Variants in PKD1L1 observed in about 807,000 individuals in gnomAD.
The protein encoded by PKD1L1 is polycystin-1-like protein 1.
Under a neutral mutation model 323.4 loss-of-function variants are expected in PKD1L1, and 236 were observed. The ratio of observed to expected loss-of-function variants is 0.73; its 90% CI spans 0.66 to 0.81. The LOEUF is 0.81. PKD1L1 is among the 40% of genes least tolerant of loss of function. PKD1L1 has a pLI of 0.00. For missense variants in PKD1L1, 3,320 were observed against 3,508.0 expected (o/e 0.95, Z 1.35); for synonymous variants, 1,344 against 1,335.0 (o/e 1.01, Z -0.15).
chr7:47,887,861 A>G (rs1453563616), intron 17 of PKD1L1, 129 bp downstream of exon 17: 2 of 907,772 alleles, frequency 2.2e-6, no homozygotes, highest in African/African-American at 1.7e-5. Context: ...GGGAAGCACG[A>G]CGGACCGTTC....
intron 44 of PKD1L1, among the ~76,000 whole-genome samples, chr7:47,828,375 A>AG (rs1284704388): frequency 6.6e-6 from 1 of 151,874 alleles, no homozygotes; most frequent in African/African-American, 2.4e-5. Flanking sequence ...GAGAAGAGGA[A>AG]GGAGAGCCTT....
Position 47,800,586 on chromosome 7 carries a change from AC to A in PKD1L1, c.8193+62del. On this transcript the variant is annotated intron_variant, in intron 54 of 56. Transcript: ENST00000289672. ...CCCTGTCCACATGGACCAGAGTTTC[AC>A]CCCAACAGCAAATGAAACTTTTACA... The A allele has an allele frequency of 2.0e-6, 3 of 1,531,410 alleles. No homozygotes were observed. In the Admixed American group the frequency reaches 5.2e-5, roughly 27 times the overall value. 94.9% of individuals were successfully genotyped at this position (1,531,410 alleles called of 1,614,324 possible). A position where few individuals can be genotyped will look rare whatever the true frequency, so the allele number is the denominator to read the frequency against.
Position 47,840,641 on chromosome 7 carries a change from C to T in PKD1L1, c.5446-74G>A. ...ACCATGCAATGCTGGGCAGGGCTTC[C>T]TCGCACTTTCTCCCAGCGTCCCACC... On this transcript the variant is annotated intron_variant, in intron 34 of 56. Transcript: ENST00000289672. The surrounding 1 kb of genome is among the most constrained non-coding windows in gnomAD (Gnocchi z 4.1). The T allele has an allele frequency of 1.7e-6, 2 of 1,148,648 alleles. No individual in the cohort carries two copies. The highest frequency in any genetic ancestry group is 2.6e-6 in the Non-Finnish European group (2 of 773,304). 71.2% of individuals were successfully genotyped at this position (1,148,648 alleles called of 1,614,324 possible).
chr7:47,827,497 C>A (rs143684319), intron 44 of PKD1L1, 29 bp from the exon 45 acceptor site: 1 of 1,573,854 alleles, frequency 6.4e-7, no homozygotes, highest in African/African-American at 1.3e-5. Flanking sequence ...CTGTGAGCTG[C>A]GGGCTGGTGG....
At chr7:47,948,655 C>T (rs947274803), upstream of PKD1L1, among the ~76,000 whole-genome samples, 1 of 152,170 alleles carries the variant, frequency 6.6e-6, no homozygotes, top group Non-Finnish European at 1.5e-5. Flanking sequence ...CAGACAAATT[C>T]CTTCCTAAGA....
chr7:47,940,158 G>A (rs1787954115), intron 3 of PKD1L1, 35 bp downstream of exon 3: 1 of 1,613,864 alleles, frequency 6.2e-7, no homozygotes, highest in Non-Finnish European at 8.5e-7. Flanking sequence ...CTGTATTCAG[G>A]AAGAAAAGCC....
Position 47,809,545 on chromosome 7 carries a change from G to C in PKD1L1, c.7614C>G (p.Leu2538=), listed in dbSNP as rs981440834. The C allele has an allele frequency of 1.2e-6, 2 of 1,607,648 alleles. No individual in the cohort carries two copies. The highest frequency in any genetic ancestry group is 8.5e-7 in the Non-Finnish European group (1 of 1,177,602). ...CCATCATACGGTAGAGTTGAACACA[G>C]AGGTGGATCAGGCTGAGTGCCAGGA... The part of the protein sequence containing the change: ...LVFLALSLIH[L]CVQLYRMMDK... Residue 2538 remains leucine (L), a synonymous_variant, in exon 51 of 57, where the codon CTC becomes CTG. Transcript: ENST00000289672.
chr7:47,850,632 CAAAAAAAAA>C (rs58437908), intron 31 of PKD1L1, among the ~76,000 whole-genome samples: 1 of 75,814 alleles, frequency 1.3e-5, no homozygotes, highest in Non-Finnish European at 2.4e-5. Context: ...GACTCTGTCT[CAAAAAAAAA>C]AAAAAAAAAA....
At chr7:47,948,557 T>A, upstream of PKD1L1, 1 of 955,646 alleles carries the variant, frequency 1.0e-6, no homozygotes, top group Non-Finnish European at 1.6e-6. Flanking sequence ...TGACCTCTTA[T>A]CAGGACACAC....
chr7:47,903,338 C>T (rs530387340), intron 12 of PKD1L1, among the ~76,000 whole-genome samples: 1 of 152,228 alleles, frequency 6.6e-6, no homozygotes, highest in East Asian at 1.9e-4. Flanking sequence ...GCCCAGGGCA[C>T]ACTCTAGAGA....
chr7:47,899,209 C>G (rs1298365573), intron 13 of PKD1L1, among the ~76,000 whole-genome samples: 1 of 152,138 alleles, frequency 6.6e-6, no homozygotes, highest in Non-Finnish European at 1.5e-5. Context: ...CCATCAGGGG[C>G]CTGGGGCACT....
intron 45 of PKD1L1, among the ~76,000 whole-genome samples, chr7:47,823,167 C>T (rs1464775540): frequency 6.6e-6 from 1 of 152,162 alleles, no homozygotes; most frequent in Admixed American, 6.5e-5. Flanking sequence ...TTCGATATCT[C>T]TCTATTAAGT....
chr7:47,875,142 G>A (rs1583638704), intron 23 of PKD1L1, among the ~76,000 whole-genome samples: 1 of 152,148 alleles, frequency 6.6e-6, no homozygotes, highest in Non-Finnish European at 1.5e-5. Flanking sequence ...AAGATCAAAC[G>A]GAGTACAAAG....
upstream of PKD1L1, among the ~76,000 whole-genome samples, chr7:47,952,520 C>T (rs184203370): frequency 9.1e-4 from 138 of 152,294 alleles, 1 homozygote; most frequent in East Asian, 7.4e-3. Flanking sequence ...CATAAGCACC[C>T]CCTGAGAAAG....
At chr7:47,937,035 T>A in intron 3 of PKD1L1, 77 bp from the exon 4 acceptor site, 1 of 1,173,454 alleles carries the variant, frequency 8.5e-7, no homozygotes, top group Non-Finnish European at 1.3e-6. Context: ...TAATATTACT[T>A]CATTAACAAA....
intron 34 of PKD1L1, among the ~76,000 whole-genome samples, chr7:47,841,769 T>C (rs1443573674): frequency 1.3e-5 from 2 of 152,226 alleles, no homozygotes; most frequent in African/African-American, 4.8e-5. Context: ...AATTCACTTC[T>C]AGGCACCCCA....
chr7:47,825,342 C>T (rs1395985160), intron 45 of PKD1L1, among the ~76,000 whole-genome samples: 2 of 151,896 alleles, frequency 1.3e-5, no homozygotes, highest in Admixed American at 1.3e-4. Flanking sequence ...CCAGCCTGAC[C>T]TACATGGTGA....
At chr7:47,960,168 GCA>G in the PKD1L1 span, among the ~76,000 whole-genome samples, 1 of 149,744 alleles carries the variant, frequency 6.7e-6, no homozygotes, top group Non-Finnish European at 1.5e-5. Context: ...ATGCTTGAAG[GCA>G]GCATGCTCGT....
chr7:47,902,656 T>A, intron 12 of PKD1L1, 145 bp from the exon 13 acceptor site: 1 of 1,045,820 alleles, frequency 9.6e-7, no homozygotes, highest in Non-Finnish European at 1.4e-6. Flanking sequence ...GAGTCAAGGG[T>A]CACAAGACTG....
Sources: allele counts gnomAD v4.1 joint callset (sites outside exome capture counted in the v4.1 genomes callset), GRCh38; gene constraint gnomAD v4.1.1; non-coding constraint Gnocchi (gnomAD v3.1); transcripts MANE v1.5; gene names NCBI Gene and HGNC (gene_info 2026-07-23, HGNC 2026-07-21).